Variants in EXOC4 observed in about 807,000 individuals in gnomAD.
The protein encoded by EXOC4 is exocyst complex component 4.
Under a neutral mutation model 107.2 loss-of-function variants are expected in EXOC4, and 71 were observed. That is an observed-to-expected ratio of 0.66 (90% CI 0.55 to 0.81). EXOC4 has a LOEUF of 0.81. Ranked by LOEUF, EXOC4 falls within the 30% of genes least tolerant of loss-of-function variation. EXOC4 has a pLI of 0.00. For missense variants in EXOC4, 1,108 were observed against 1,189.6 expected (o/e 0.93, Z 1.01); for synonymous variants, 456 against 441.2 (o/e 1.03, Z -0.42).
At chr7:133,372,487 A>G (rs908401793) in intron 6 of EXOC4, among the ~76,000 whole-genome samples, 6 of 152,130 alleles carry the variant, frequency 3.9e-5, no homozygotes, top group Non-Finnish European at 5.9e-5. Context: ...AGAGATTGCT[A>G]TTTCCAAGAT....
chr7:134,031,970 A>G (rs2116480128), intron 17 of EXOC4, among the ~76,000 whole-genome samples: 1 of 152,302 alleles, frequency 6.6e-6, no homozygotes, highest in South Asian at 2.1e-4. Context: ...CTGAGATTGT[A>G]AATCATGACT....
intron 7 of EXOC4, among the ~76,000 whole-genome samples, chr7:133,445,815 C>T (rs1798207773): frequency 1.3e-5 from 2 of 151,912 alleles, no homozygotes. Context: ...AGTTTAAGAA[C>T]AGCCTGGGCA....
chr7:133,880,138 C>T (rs143072701), intron 11 of EXOC4, among the ~76,000 whole-genome samples: 3 of 152,288 alleles, frequency 2.0e-5, no homozygotes, highest in African/African-American at 7.2e-5. Flanking sequence ...CAGGCTCCCC[C>T]ACCTTTTTAT....
intron 11 of EXOC4, among the ~76,000 whole-genome samples, chr7:133,822,693 A>G (rs1205881249): frequency 1.3e-5 from 2 of 152,176 alleles, no homozygotes; most frequent in Admixed American, 6.5e-5. Flanking sequence ...CTGGGAGCTT[A>G]TGAGAAATGC....
chr7:133,933,562 T>G (rs1277590101), intron 13 of EXOC4, among the ~76,000 whole-genome samples: 3 of 152,226 alleles, frequency 2.0e-5, no homozygotes, highest in Non-Finnish European at 4.4e-5. Flanking sequence ...GTGTCTTCAT[T>G]AAATAATGTG....
downstream of EXOC4, among the ~76,000 whole-genome samples, chr7:134,071,305 C>A (rs938646023): frequency 1.3e-5 from 2 of 152,200 alleles, no homozygotes; most frequent in Non-Finnish European, 2.9e-5. Context: ...AAAGCTCATA[C>A]CACTCGTCTC....
chr7:133,724,303 G>A (rs995997238), intron 10 of EXOC4, among the ~76,000 whole-genome samples: 1 of 152,138 alleles, frequency 6.6e-6, no homozygotes, highest in Admixed American at 6.5e-5. Flanking sequence ...TTTGATGGAG[G>A]TCAAGTTAAA....
intron 14 of EXOC4, among the ~76,000 whole-genome samples, chr7:133,950,794 A>G (rs987632624): frequency 1.3e-5 from 2 of 152,192 alleles, no homozygotes; most frequent in Non-Finnish European, 2.9e-5. Context: ...TGGCTTTACA[A>G]AGAAAAATAT....
chr7:133,746,144 A>G (rs1439598590), intron 10 of EXOC4, among the ~76,000 whole-genome samples: 3 of 152,110 alleles, frequency 2.0e-5, no homozygotes, highest in Non-Finnish European at 4.4e-5. Flanking sequence ...TGTTTTTAGA[A>G]GTGGCCATTC....
intron 7 of EXOC4, among the ~76,000 whole-genome samples, chr7:133,420,932 TGA>T (rs1797590226): frequency 1.3e-5 from 2 of 151,222 alleles, no homozygotes; most frequent in African/African-American, 4.9e-5. Context: ...TTGTACTCTC[TGA>T]GAGAGTTTGT....
At chr7:133,921,534 T>C (rs776264944) in intron 13 of EXOC4, among the ~76,000 whole-genome samples, 23 of 152,344 alleles carry the variant, frequency 1.5e-4, no homozygotes, top group East Asian at 9.6e-4. Context: ...TCTGCATGAT[T>C]TCTGAAGAGA....
At chr7:133,336,635 T>A (rs983977648) in intron 5 of EXOC4, among the ~76,000 whole-genome samples, 1 of 151,870 alleles carries the variant, frequency 6.6e-6, no homozygotes, top group Non-Finnish European at 1.5e-5. Context: ...TTTTTAGTTA[T>A]TTTGGTGAAT....
In EXOC4 at chr7:133,475,403, A is replaced by G; in HGVS notation, c.1258A>G (p.Ser420Gly). The change falls in exon 8 of 18, where the codon AGC (serine) becomes GGC (glycine). Residue 420 changes from serine to glycine, a missense_variant. Ser to Gly is a moderately conservative substitution (Grantham distance 56, BLOSUM62 0). Coordinates refer to ENST00000253861, the MANE Select transcript of EXOC4 (RefSeq NM_021807.4). ...ACCATCAGCTCAACTAAGCTATGCC[A>G]GCACTGGACGAGAGTTTGCAGCCTT... is the stretch of plus-strand genomic sequence containing the variant. ...SEPSAQLSYA[S>G]TGREFAAFFA... 6.2e-7 allele frequency: 1 copy of G among 1,614,122 alleles called. No homozygotes were observed.
chr7:133,825,958 C>T (rs1310790588), intron 11 of EXOC4, among the ~76,000 whole-genome samples: 1 of 152,084 alleles, frequency 6.6e-6, no homozygotes, highest in African/African-American at 2.4e-5. Context: ...TTTATCGATA[C>T]CTAAAGAAAC....
rs1284830999 is a variant in EXOC4 at position 134,007,740 on chromosome 7, G to A, written c.2592G>A (p.Glu864=). The part of the protein sequence containing the change: ...NGAQYFRRIS[E]SGIKKMCRNI... ...CCCAGTACTTCAGGCGCATCAGTGA[G>A]TCTGGCATCAAGAAAATGTGTAGGA... Residue 864 remains glutamate, a synonymous_variant, in exon 17 of 18, where the codon GAG becomes GAA. Transcript: ENST00000253861. 1.2e-6 allele frequency: 2 copies of A among 1,613,640 alleles called. No individual in the cohort carries two copies. The highest frequency in any genetic ancestry group is 1.1e-5 in the South Asian group (1 of 91,048).
intron 9 of EXOC4, among the ~76,000 whole-genome samples, chr7:133,606,516 T>TA (rs1563124663): frequency 2.3e-5 from 3 of 129,574 alleles, no homozygotes; most frequent in Non-Finnish European, 4.9e-5. Context: ...TTATTATTAT[T>TA]ATTTTTTTTT....
At chr7:133,551,706 C>T (rs1800592725) in intron 9 of EXOC4, 1 of 152,046 alleles carries the variant, frequency 6.6e-6, no homozygotes, top group Admixed American at 6.6e-5. Context: ...GGGGTTTATA[C>T]CACCTGTAAT....
At chr7:133,882,654 C>T (rs1352629871) in intron 11 of EXOC4, among the ~76,000 whole-genome samples, 8 of 152,008 alleles carry the variant, frequency 5.3e-5, no homozygotes, top group African/African-American at 4.8e-5. Context: ...AGCTAAGACC[C>T]GAAAGAGAAA....
chr7:133,440,938 A>C (rs1798089763), intron 7 of EXOC4, among the ~76,000 whole-genome samples: 1 of 152,178 alleles, frequency 6.6e-6, no homozygotes, highest in African/African-American at 2.4e-5. Flanking sequence ...ACTTGCTTTC[A>C]CTTTACTCTG....
Sources: gnomAD v4.1 joint callset for allele counts (sites outside exome capture counted in the v4.1 genomes callset) on GRCh38, gnomAD v4.1.1 for gene constraint, MANE v1.5 for transcripts, NCBI Gene and HGNC (gene_info 2026-07-23, HGNC 2026-07-21) for gene names.